The following MGST2 variants were observed in gnomAD, a reference collection of about 807,000 sequenced individuals.
MGST2 encodes glutathione peroxidase MGST2.
A neutral mutation model predicts 16.6 loss-of-function variants in MGST2; 9 were observed. The observed-to-expected ratio is 0.54, with a 90% CI of 0.33 to 0.95. The LOEUF (loss-of-function observed/expected upper bound fraction) is 0.95, where lower values mean the gene tolerates loss of function less well. MGST2 is among the 40% of genes least tolerant of loss of function. The probability of loss-of-function intolerance (pLI) is 0.03; values close to 1 mark genes in which losing one functional copy is unlikely to be tolerated. For synonymous variants in MGST2, 79 were observed against 68.0 expected (o/e 1.16, Z -0.79); for missense variants, 159 against 175.1 (o/e 0.91, Z 0.52).
chr4:139,741,645 G>A (rs1482149305), downstream of MGST2, among the ~76,000 whole-genome samples: 1 of 152,164 alleles, frequency 6.6e-6, no homozygotes, highest in Non-Finnish European at 1.5e-5. Flanking sequence ...TACTCAGGAG[G>A]CTGAGGTGGG....
rs753144223 is a variant in MGST2 at position 139,715,484 on chromosome 4, G to A, written c.*48+11288G>A. On this transcript the variant is annotated intron_variant, in intron 5 of 5. Coordinates refer to the MGST2 transcript ENST00000616265. The surrounding 1 kb of genome is among the most constrained non-coding windows in gnomAD (Gnocchi z 4.4). ...CCCCAAGAGAGGGTTCTTGGCTCTT[G>A]CGCAAGAAAGAATTCAGGGTGAGTC... Among the ~76,000 whole-genome samples, 11 of 152,094 alleles carry A rather than the reference G, an allele frequency of 7.2e-5. No homozygotes were observed. Among genetic ancestry groups the A allele is most frequent in the African/African-American group, 2.4e-4 (10 of 41,400 alleles).
intron 5 of MGST2, among the ~76,000 whole-genome samples, chr4:139,713,722 A>T (rs1018784753): frequency 1.1e-4 from 17 of 152,266 alleles, no homozygotes; most frequent in African/African-American, 3.1e-4. Context: ...TAGCTTCTGA[A>T]CTCTACCAGA....
At position 139,735,571 on chromosome 4, in the gene MGST2, T is replaced by TA. The variant is rs1728905138; in HGVS notation, c.*49-4639dup. On this transcript the variant is annotated intron_variant, in intron 5 of 5. Transcript: ENST00000616265. The surrounding 1 kb of genome is among the most constrained non-coding windows in gnomAD (Gnocchi z 5.8). ...CAAAGCCGGCCCGGGGAGGGGGCGA[T>TA]AAGGAGCGAGCCTCGGGTCGGCCCG... Among the ~76,000 whole-genome samples, 1 of 152,032 alleles carries TA rather than the reference T, an allele frequency of 6.6e-6. No individual in the cohort carries two copies. Among genetic ancestry groups the TA allele is most frequent in the Admixed American group, 6.5e-5 (1 of 15,274 alleles).
intron 2 of MGST2, among the ~76,000 whole-genome samples, chr4:139,693,812 A>C (rs575373312): frequency 6.6e-6 from 1 of 152,234 alleles, no homozygotes; most frequent in African/African-American, 2.4e-5. Context: ...GCCACAGTCC[A>C]AAAAGGAAGA....
downstream of MGST2, among the ~76,000 whole-genome samples, chr4:139,704,790 C>T (rs1306298635): frequency 1.1e-4 from 16 of 152,124 alleles, no homozygotes; most frequent in East Asian, 1.9e-4. Context: ...GGCATGGTGG[C>T]GGGTGCCTGT....
chr4:139,745,162 G>A (rs1729280692), downstream of MGST2, among the ~76,000 whole-genome samples: 1 of 152,156 alleles, frequency 6.6e-6, no homozygotes. Context: ...GCGGCCACCT[G>A]CAAGGAGGGA....
intron 5 of MGST2, among the ~76,000 whole-genome samples, chr4:139,733,384 G>A (rs1321564366): frequency 6.6e-6 from 1 of 152,114 alleles, no homozygotes; most frequent in Non-Finnish European, 1.5e-5. Context: ...CTTGTCCTGT[G>A]TGACCAGCCC....
chr4:139,678,803 G>A (rs1731094042), intron 2 of MGST2, 161 bp downstream of exon 2: 2 of 685,094 alleles, frequency 2.9e-6, no homozygotes, highest in Admixed American at 4.3e-5. Flanking sequence ...AATCCAGAAA[G>A]TTTGAAGGGT....
intron 5 of MGST2, chr4:139,716,782 T>C (rs533519388): frequency 7.7e-4 from 118 of 152,640 alleles, no homozygotes; most frequent in African/African-American, 2.7e-3. Context: ...ATTTTTGTTT[T>C]TGTTTTCTTT....
Position 139,703,452 on chromosome 4 carries a change from T to C in MGST2, c.230-3T>C. 6.2e-7 allele frequency: 1 copy of C among 1,613,094 alleles called. No individual in the cohort carries two copies. The highest frequency in any genetic ancestry group is 8.5e-7 in the Non-Finnish European group (1 of 1,179,160). ...TTTCTTTTTTTTTCCCACCCCCCTA[T>C]AGTTTTTGCTACTTGTCTGGGTCTG... On this transcript the variant is annotated splice_polypyrimidine_tract_variant and splice_region_variant and intron_variant, in intron 3 of 4. Coordinates refer to ENST00000265498, the MANE Select transcript of MGST2 (RefSeq NM_002413.5).
intron 1 of MGST2, 76 bp downstream of exon 1, chr4:139,666,153 A>AGAGG (rs1261904654): frequency 2.7e-6 from 4 of 1,454,614 alleles, no homozygotes; most frequent in East Asian, 2.3e-5. Flanking sequence ...TGCGGGAGAG[A>AGAGG]GAGGGAGGGA....
intron 2 of MGST2, chr4:139,678,921 TG>T: frequency 1.9e-6 from 1 of 521,212 alleles, no homozygotes; most frequent in Non-Finnish European, 3.5e-6. Context: ...GGAGGGTCAC[TG>T]GGTCAAAGAG....
At chr4:139,723,383 T>C (rs986850576) in intron 5 of MGST2, among the ~76,000 whole-genome samples, 4 of 152,230 alleles carry the variant, frequency 2.6e-5, no homozygotes, top group Non-Finnish European at 5.9e-5. Flanking sequence ...CGATCTTGGC[T>C]CACCACAACC....
At chr4:139,722,191 T>C (rs1396606300) in intron 5 of MGST2, among the ~76,000 whole-genome samples, 1 of 152,236 alleles carries the variant, frequency 6.6e-6, no homozygotes, top group Non-Finnish European at 1.5e-5. Flanking sequence ...TGCTTTTTAA[T>C]AGGCAGTGAT....
Position 139,715,483 on chromosome 4 carries a change from T to C in MGST2, c.*48+11287T>C, listed in dbSNP as rs2667362. 0.99 allele frequency among the ~76,000 whole-genome samples: 151,286 copies of C among 152,252 alleles called. 75,165 individuals are homozygous for C. Among genetic ancestry groups the C allele is most frequent in the East Asian group, 1 (5,156 of 5,156 alleles). Reference sequence around the variant, plus strand: ...ACCCCAAGAGAGGGTTCTTGGCTCTTGCGCAAGAAAGAATTCAGGGTGAGT... The same window carrying C: ...ACCCCAAGAGAGGGTTCTTGGCTCTCGCGCAAGAAAGAATTCAGGGTGAGT... On this transcript the variant is annotated intron_variant, in intron 5 of 5. Coordinates refer to the MGST2 transcript ENST00000616265. This position sits in a 1 kb window ranked among gnomAD's most constrained non-coding sequence, Gnocchi z 4.4.
Position 139,737,549 on chromosome 4 carries a change from T to C in MGST2, c.*49-2663T>C, listed in dbSNP as rs564361979. ...GGATGCAACTGAAAGAGCACCAAAA[T>C]ATGCATCATTTTTTTTAATATGTTG... is the stretch of plus-strand genomic sequence containing the variant. On this transcript the variant is annotated intron_variant, in intron 5 of 5. Transcript: ENST00000616265. Among the ~76,000 whole-genome samples the C allele has an allele frequency of 2.8e-5, 4 of 143,106 alleles. No individual in the cohort carries two copies. In the South Asian group the frequency reaches 8.6e-4, roughly 31 times the overall value. 93.9% of individuals were successfully genotyped at this position (143,106 alleles called of 152,430 possible). A position where few individuals can be genotyped will look rare whatever the true frequency, so the allele number is the denominator to read the frequency against.
the MGST2 span, among the ~76,000 whole-genome samples, chr4:139,748,718 CT>C: frequency 2.0e-5 from 3 of 151,376 alleles, no homozygotes; most frequent in Non-Finnish European, 2.9e-5. Context: ...TTCTTTTTTT[CT>C]TTCAGTCTGA....
chr4:139,722,399 G>A (rs1486404527), intron 5 of MGST2, among the ~76,000 whole-genome samples: 2 of 152,138 alleles, frequency 1.3e-5, no homozygotes, highest in Non-Finnish European at 2.9e-5. Context: ...AAATTCAGAT[G>A]TGTCCAAGGA....
At chr4:139,746,360 G>A in the MGST2 span, among the ~76,000 whole-genome samples, 1 of 152,158 alleles carries the variant, frequency 6.6e-6, no homozygotes, top group Admixed American at 6.5e-5. Context: ...ATACCTTGGT[G>A]GTTTCAGGTA....
Sources: gnomAD v4.1 joint callset for allele counts (sites outside exome capture counted in the v4.1 genomes callset) on GRCh38, gnomAD v4.1.1 for gene constraint, Gnocchi (gnomAD v3.1) non-coding constraint, MANE v1.5 for transcripts, NCBI Gene and HGNC (gene_info 2026-07-23, HGNC 2026-07-21) for gene names.